The following LPCAT1 variants were observed in gnomAD, a reference collection of about 807,000 sequenced individuals.
The protein encoded by LPCAT1 is lysophosphatidylcholine acyltransferase 1, also known as 1-acylglycerol-3-phosphate O-acyltransferase.
Under a neutral mutation model 60.9 loss-of-function variants are expected in LPCAT1, and 23 were observed. The observed-to-expected ratio is 0.38, with a 90% CI of 0.27 to 0.53. The LOEUF is 0.53. LPCAT1 is among the 20% of genes least tolerant of loss of function. LPCAT1 has a pLI of 0.82. For missense variants in LPCAT1, 622 were observed against 723.6 expected, an observed-to-expected ratio of 0.86 and a Z score of 1.61; for synonymous variants, 340 against 301.1, an observed-to-expected ratio of 1.13 and a Z score of -1.34.
At position 1,505,414 on chromosome 5, in the gene LPCAT1, G is replaced by A. The variant is rs116932993; in HGVS notation, c.136-3811C>T. Among the ~76,000 whole-genome samples, 90 of 152,370 alleles carry A rather than the reference G, an allele frequency of 5.9e-4. 1 individual carries two copies. In the East Asian group the frequency reaches 0.017, roughly 29 times the overall value. Reference sequence around the variant, plus strand: ...GCGGAATAAAATCACAGTAACCCATGGTGTTCCTGAAACAGCACCGACTGC... The same window carrying A: ...GCGGAATAAAATCACAGTAACCCATAGTGTTCCTGAAACAGCACCGACTGC... On this transcript the variant is annotated intron_variant, in intron 1 of 13. Coordinates refer to ENST00000283415, the MANE Select transcript of LPCAT1 (RefSeq NM_024830.5).
chr5:1,465,684 G>T (rs1451911214), intron 13 of LPCAT1, among the ~76,000 whole-genome samples: 2 of 150,388 alleles, frequency 1.3e-5, no homozygotes, highest in Non-Finnish European at 3.0e-5. Flanking sequence ...ATGGAAACAA[G>T]CATGCACATG....
intron 13 of LPCAT1, among the ~76,000 whole-genome samples, chr5:1,466,179 G>A (rs1218612469): frequency 3.3e-5 from 5 of 152,218 alleles, no homozygotes; most frequent in Non-Finnish European, 7.3e-5. Context: ...CGGGTTTGCG[G>A]ATTTTGCACA....
At chr5:1,511,182 C>T (rs1044473320) in intron 1 of LPCAT1, among the ~76,000 whole-genome samples, 1 of 152,238 alleles carries the variant, frequency 6.6e-6, no homozygotes, top group Non-Finnish European at 1.5e-5. Flanking sequence ...GATCTCCACA[C>T]ACAGCACCTC....
rs117410124 is a variant in LPCAT1, at chr5:1,519,990, G to A, written c.135+3720C>T. Among the ~76,000 whole-genome samples the A allele has an allele frequency of 1.5e-3, 222 of 152,324 alleles. 3 individuals are homozygous for A. The East Asian group carries it at 0.04, about 27-fold the overall frequency. On this transcript the variant is annotated intron_variant, in intron 1 of 13. Coordinates refer to ENST00000283415, the MANE Select transcript of LPCAT1 (RefSeq NM_024830.5). ...CCCCACCCCTCCACATCCACTGCCC[G>A]GCAATGGGGCTGAGCGAAGAGCCAG...
rs1308778563 is a variant in LPCAT1, at chr5:1,495,808, T to G, written c.279-894A>C. On this transcript the variant is annotated intron_variant, in intron 2 of 13. Transcript: ENST00000283415. The surrounding 1 kb of genome is among the most constrained non-coding windows in gnomAD (Gnocchi z 4.7). ...AGCCTGAAGCCTTACTGGATTCACA[T>G]TGCCCTGGGACAGATGATCCTCCCA... 2.0e-5 allele frequency among the ~76,000 whole-genome samples: 3 copies of G among 152,206 alleles called. No homozygotes were observed. Among genetic ancestry groups the G allele is most frequent in the Non-Finnish European group, 2.9e-5 (2 of 68,038 alleles).
intron 2 of LPCAT1, among the ~76,000 whole-genome samples, chr5:1,501,060 G>A (rs1213565138): frequency 6.6e-6 from 1 of 152,240 alleles, no homozygotes; most frequent in Non-Finnish European, 1.5e-5. Flanking sequence ...AGGGTCTGAG[G>A]TGGGAGGGGT....
Position 1,494,670 on chromosome 5 carries a change from CCTCACTCCCAGCAGGGGTGT to C in LPCAT1, c.493+10_493+29del. 1 of 1,594,194 alleles carries C rather than the reference CCTCACTCCCAGCAGGGGTGT, an allele frequency of 6.3e-7. No homozygotes were observed. Among genetic ancestry groups the C allele is most frequent in the South Asian group, 1.1e-5 (1 of 90,694 alleles). Reference sequence around the variant, plus strand: ...CTCTCACTCCCAGCAGGGCAGGGTCCCTCACTCCCAGCAGGGGTGTCTCACTCACTTCCCCAGATCGGGAT... The same window carrying C: ...CTCTCACTCCCAGCAGGGCAGGGTCCCTCACTCACTTCCCCAGATCGGGAT... On this transcript the variant is annotated intron_variant, in intron 3 of 13. Coordinates refer to ENST00000283415, the MANE Select transcript of LPCAT1 (RefSeq NM_024830.5).
chr5:1,484,401 T>A (rs1579779161), intron 5 of LPCAT1, among the ~76,000 whole-genome samples: 1 of 152,360 alleles, frequency 6.6e-6, no homozygotes, highest in Non-Finnish European at 1.5e-5. Context: ...AGTTTTTTTT[T>A]AACTGGAAAA....
At chr5:1,494,960 C>T (rs759402146) in intron 2 of LPCAT1, 46 bp from the exon 3 acceptor site, 33 of 1,525,746 alleles carry the variant, frequency 2.2e-5, no homozygotes, top group Non-Finnish European at 2.7e-5. Flanking sequence ...TCCGCAGTCT[C>T]GGAGTCTGTG....
At position 1,463,771 on chromosome 5, in the gene LPCAT1, CTG is replaced by C; in HGVS notation, c.1483_1484del (p.Gln495AspfsTer199). On this transcript the variant is annotated frameshift_variant, in exon 14 of 14. Transcript: ENST00000283415. LOFTEE classifies it low-confidence loss of function (END_TRUNC). ...TCTCTGCACAGCTTTCGAAATGTGT[CTG>C]ATCCGGGTACAGGTATTCCTCTGCG... ...AFAEEYLYPD[Q>X]THFESCAETS... 3 of 1,614,274 alleles carry C rather than the reference CTG, an allele frequency of 1.9e-6. No individual in the cohort carries two copies. Among genetic ancestry groups the C allele is most frequent in the Non-Finnish European group, 1.7e-6 (2 of 1,180,052 alleles).
intron 13 of LPCAT1, among the ~76,000 whole-genome samples, chr5:1,466,019 CGT>C (rs757065539): frequency 4.6e-5 from 7 of 152,342 alleles, no homozygotes; most frequent in Admixed American, 2.0e-4. Flanking sequence ...AGCTCTCTCG[CGT>C]GTCTTCTCGT....
At position 1,502,235 on chromosome 5, in the gene LPCAT1, C is replaced by A. The variant is rs185791897; in HGVS notation, c.136-632G>T. Among the ~76,000 whole-genome samples the A allele has an allele frequency of 1.3e-5, 2 of 152,246 alleles. No individual in the cohort carries two copies. The highest frequency in any genetic ancestry group is 2.9e-5 in the Non-Finnish European group (2 of 68,006). On this transcript the variant is annotated intron_variant, in intron 1 of 13. Coordinates refer to ENST00000283415, the MANE Select transcript of LPCAT1 (RefSeq NM_024830.5). This position sits in a 1 kb window ranked among gnomAD's most constrained non-coding sequence, Gnocchi z 5.5. ...CACACAACCCCAGGCAGCTCCACCC[C>A]GCAGGACGCACCCCCAGGCAGCTCC... is the stretch of plus-strand genomic sequence containing the variant.
At chr5:1,516,796 G>C (rs1178838656) in intron 1 of LPCAT1, among the ~76,000 whole-genome samples, 1 of 152,166 alleles carries the variant, frequency 6.6e-6, no homozygotes, top group Admixed American at 6.5e-5. Context: ...CCCCACACAG[G>C]GGACGAGGGC....
chr5:1,475,766 AG>A (rs1734883991), intron 9 of LPCAT1, among the ~76,000 whole-genome samples: 1 of 151,242 alleles, frequency 6.6e-6, no homozygotes, highest in Non-Finnish European at 1.5e-5. Flanking sequence ...GCCCAGGCCC[AG>A]GAGTCCGAGG....
Position 1,477,325 on chromosome 5 carries a change from G to A in LPCAT1, c.899+79C>T, listed in dbSNP as rs1734958579. 1 of 1,163,464 alleles carries A rather than the reference G, an allele frequency of 8.6e-7. No individual in the cohort carries two copies. Among genetic ancestry groups the A allele is most frequent in the Non-Finnish European group, 1.3e-6 (1 of 792,952 alleles). 72.1% of individuals were successfully genotyped at this position (1,163,464 alleles called of 1,614,324 possible). A position where few individuals can be genotyped will look rare whatever the true frequency, so the allele number is the denominator to read the frequency against. On this transcript the variant is annotated intron_variant, in intron 9 of 13. Transcript: ENST00000283415. This position sits in a 1 kb window ranked among gnomAD's most constrained non-coding sequence, Gnocchi z 6.0. ...AAGAATGCCTTTTCCTAACGCTGTT[G>A]CCTATTTTAAATATACAGAGAGCAG...
intron 3 of LPCAT1, among the ~76,000 whole-genome samples, chr5:1,491,629 C>A (rs1397535116): frequency 6.6e-6 from 1 of 152,144 alleles, no homozygotes; most frequent in East Asian, 1.9e-4. Flanking sequence ...CCCGGGAGCC[C>A]TGAGGAGGGA....
intron 1 of LPCAT1, among the ~76,000 whole-genome samples, chr5:1,518,264 A>C (rs968298364): frequency 6.6e-6 from 1 of 152,240 alleles, no homozygotes; most frequent in African/African-American, 2.4e-5. Context: ...ACACAGCTGA[A>C]AAAAAAGAGA....
chr5:1,479,923 T>C (rs1735068820), intron 7 of LPCAT1, among the ~76,000 whole-genome samples: 1 of 150,284 alleles, frequency 6.7e-6, no homozygotes, highest in African/African-American at 2.4e-5. Context: ...CAAGACACCA[T>C]CTCCTGCTTG....
Position 1,466,850 on chromosome 5 carries a change from T to C in LPCAT1, c.1319A>G (p.Asp440Gly), listed in dbSNP as rs1044903820. ...GGCCGTCTTGAGGATGCAGGACAGG[T>C]CACCTTCGCCGACGCTGCCGTCCTC... is the stretch of plus-strand genomic sequence containing the variant. ...AQEDGSVGEG[D>G]LSCILKTALG... The change falls in exon 13 of 14, where the codon GAC (aspartate) becomes GGC (glycine). Residue 440 changes from aspartate (D) to glycine (G), a missense_variant. Asp to Gly is a moderately conservative substitution (Grantham distance 94). Transcript: ENST00000283415. 6.2e-7 allele frequency: 1 copy of C among 1,610,024 alleles called. No individual in the cohort carries two copies. The highest frequency in any genetic ancestry group is 2.2e-5 in the East Asian group (1 of 44,598).
Sources: allele counts gnomAD v4.1 joint callset (sites outside exome capture counted in the v4.1 genomes callset), GRCh38; gene constraint gnomAD v4.1.1; non-coding constraint Gnocchi (gnomAD v3.1); transcripts MANE v1.5; gene names NCBI Gene and HGNC (gene_info 2026-07-23, HGNC 2026-07-21).